The following ABHD5 variants were observed in gnomAD, a reference collection of about 807,000 sequenced individuals.
ABHD5 encodes the protein abhydrolase domain containing 5, lysophosphatidic acid acyltransferase.
Under a neutral mutation model 44.9 loss-of-function variants are expected in ABHD5, and 30 were observed. The ratio of observed to expected loss-of-function variants is 0.67; its 90% CI spans 0.50 to 0.91. The LOEUF (loss-of-function observed/expected upper bound fraction) is 0.91. Among genes scored for constraint, ABHD5 ranks in the 40% least tolerant of loss-of-function variants. ABHD5 has a pLI of 0.00. For missense variants in ABHD5, 399 were observed against 423.4 expected (o/e 0.94, Z 0.50); for synonymous variants, 167 against 147.0 (o/e 1.14, Z -0.99).
rs1353641466 is a variant in ABHD5, at chr3:43,730,496, TC to T, written c.*30-3381del. The stretch of plus-strand genomic sequence containing the variant: ...TGTTTTAATGGAGAATAGAAAATAA[TC>T]CCTTTTTTTTTTTTTTTTTTTTTTT... On this transcript the variant is annotated intron_variant, in intron 7 of 7. Transcript: ENST00000454293. Among the ~76,000 whole-genome samples the T allele has an allele frequency of 8.6e-4, 115 of 133,016 alleles. 3 individuals carry two copies. The highest frequency in any genetic ancestry group is 8.8e-4 in the Non-Finnish European group (56 of 63,366). The allele number at this position is 133,016 out of a possible 152,430, so 87.3% of individuals were successfully genotyped here.
chr3:43,706,244 C>T (rs1312377448), intron 3 of ABHD5, among the ~76,000 whole-genome samples: 4 of 152,148 alleles, frequency 2.6e-5, no homozygotes, highest in East Asian at 1.9e-4. Flanking sequence ...ACTACATACT[C>T]GTGCTCATCC....
chr3:43,715,799 A>C (rs530533120), intron 5 of ABHD5, among the ~76,000 whole-genome samples: 1 of 152,286 alleles, frequency 6.6e-6, no homozygotes, highest in African/African-American at 2.4e-5. Flanking sequence ...AACAAAAGTA[A>C]ATGATTGTCT....
exon 8 of ABHD5, chr3:43,734,240 G>A (rs1324519480): frequency 1.3e-5 from 2 of 152,234 alleles, no homozygotes; most frequent in African/African-American, 2.4e-5. Context: ...GCCGATGATT[G>A]ACTGACACGT....
At chr3:43,727,928 A>G (rs1215959988) in intron 7 of ABHD5, among the ~76,000 whole-genome samples, 4 of 152,196 alleles carry the variant, frequency 2.6e-5, no homozygotes, top group Non-Finnish European at 5.9e-5. Flanking sequence ...CTACTTTTAA[A>G]GAATGAGGCC....
intron 1 of ABHD5, chr3:43,691,388 G>C: frequency 5.2e-6 from 1 of 192,498 alleles, no homozygotes; most frequent in East Asian, 1.3e-4. Context: ...CTCGGGCTCT[G>C]CCAAGGGACC....
intron 1 of ABHD5, among the ~76,000 whole-genome samples, chr3:43,695,838 T>C (rs1033545285): frequency 6.6e-6 from 1 of 152,228 alleles, no homozygotes; most frequent in African/African-American, 2.4e-5. Context: ...TAAAATATAC[T>C]CTATTAATAT....
At chr3:43,713,062 A>G (rs1295050165) in intron 4 of ABHD5, among the ~76,000 whole-genome samples, 1 of 152,168 alleles carries the variant, frequency 6.6e-6, no homozygotes. Context: ...CACACCTGTA[A>G]TACCAGCACT....
Position 43,705,806 on chromosome 3 carries a change from T to C in ABHD5, c.506+3219T>C, listed in dbSNP as rs1236036694. Among the ~76,000 whole-genome samples, 3 of 152,312 alleles carry C rather than the reference T, an allele frequency of 2.0e-5. No homozygotes were observed. The East Asian group carries it at 5.8e-4, about 29-fold the overall frequency. On this transcript the variant is annotated intron_variant, in intron 3 of 6. Coordinates refer to ENST00000644371, the MANE Select transcript of ABHD5 (RefSeq NM_016006.6). ...TTTCTGCAAGGTGCATCGTCTCCTT[T>C]GGTGCCCTTTGGTCTTGCTGTCCAC...
rs747018565 is a variant in ABHD5 at position 43,702,555 on chromosome 3, G to C, written c.474G>C (p.Leu158Phe). The change falls in exon 3 of 7, where the codon TTG becomes TTC. Residue 158 changes from leucine (L) to phenylalanine (F), a missense_variant. Physicochemically the swap from Leu to Phe is conservative, Grantham distance 22. Coordinates refer to ENST00000644371, the MANE Select transcript of ABHD5 (RefSeq NM_016006.6). ...ILLGHNLGGF[L>F]AAAYSLKYPS... ...TTGGGCACAACCTAGGTGGATTCTT[G>C]GCTGCTGCTTACTCGCTGAAGTACC... is the stretch of plus-strand genomic sequence containing the variant. 1 of 1,614,222 alleles carries C rather than the reference G, an allele frequency of 6.2e-7. No individual in the cohort carries two copies. Among genetic ancestry groups the C allele is most frequent in the South Asian group, 1.1e-5 (1 of 91,078 alleles).
rs752307149 is a variant in ABHD5, at chr3:43,717,647, G to T, written c.774-24G>T. On this transcript the variant is annotated intron_variant, in intron 5 of 6. Transcript: ENST00000644371. ...TACTCATTCCCAAAAATCATACATC[G>T]TGATTTTCTCCTTGCCGTTAAAGTG... is the stretch of plus-strand genomic sequence containing the variant. The T allele has an allele frequency of 1.9e-6, 3 of 1,612,206 alleles. No homozygotes were observed. The East Asian group carries it at 6.7e-5, about 36-fold the overall frequency.
chr3:43,714,212 A>G (rs1040623680), intron 4 of ABHD5, among the ~76,000 whole-genome samples: 1 of 145,370 alleles, frequency 6.9e-6, no homozygotes, highest in Non-Finnish European at 1.5e-5. Flanking sequence ...TTGGCTCACT[A>G]CAACCTCCAC....
chr3:43,704,376 A>C (rs2084589252), intron 3 of ABHD5, among the ~76,000 whole-genome samples: 1 of 152,206 alleles, frequency 6.6e-6, no homozygotes, highest in African/African-American at 2.4e-5. Flanking sequence ...TCTTAGTGAC[A>C]AACACCTATT....
At chr3:43,733,903 T>G (rs1438568727) in exon 8 of ABHD5, 1 of 152,228 alleles carries the variant, frequency 6.6e-6, no homozygotes, top group African/African-American at 2.4e-5. Context: ...AAACCATGTC[T>G]GAGAGCCAGG....
At chr3:43,729,916 A>T (rs2084902136) in intron 7 of ABHD5, among the ~76,000 whole-genome samples, 1 of 152,166 alleles carries the variant, frequency 6.6e-6, no homozygotes, top group Non-Finnish European at 1.5e-5. Flanking sequence ...TGCTCTTGTT[A>T]ACTATACTGC....
At chr3:43,691,165 A>AC in intron 1 of ABHD5, 126 bp downstream of exon 1, 3 of 961,472 alleles carry the variant, frequency 3.1e-6, no homozygotes, top group Non-Finnish European at 4.1e-6. Flanking sequence ...GGCTTCCTCG[A>AC]CCCTCCCCGG....
Position 43,698,061 on chromosome 3 carries a change from A to G in ABHD5, c.48-1215A>G, listed in dbSNP as rs2084494831. Among the ~76,000 whole-genome samples the G allele has an allele frequency of 2.6e-5, 4 of 152,362 alleles. No homozygotes were observed. The South Asian group carries it at 6.2e-4, about 24-fold the overall frequency. Reference sequence around the variant, plus strand: ...TAAATTCTACAGGGAAGGGAAATATAGTAGGATGAACCTACAAAGGTAAGA... The same window carrying G: ...TAAATTCTACAGGGAAGGGAAATATGGTAGGATGAACCTACAAAGGTAAGA... On this transcript the variant is annotated intron_variant, in intron 1 of 6. Transcript: ENST00000644371.
chr3:43,706,946 A>G (rs1479474177), intron 3 of ABHD5, among the ~76,000 whole-genome samples: 1 of 152,218 alleles, frequency 6.6e-6, no homozygotes, highest in Non-Finnish European at 1.5e-5. Context: ...GGGCAGCTCC[A>G]TTCTTCCATT....
chr3:43,711,575 A>G lies in ABHD5; in HGVS notation c.507-134A>G, dbSNP rs140265913. 369 of 949,594 alleles carry G rather than the reference A, an allele frequency of 3.9e-4. No homozygotes were observed. In the African/African-American group the frequency reaches 5.1e-3, roughly 13 times the overall value. The allele number at this position is 949,594 out of a possible 1,614,324, so 58.8% of individuals were successfully genotyped here. ...ACAGAATAAGAGCATGATACGATCT[A>G]TTTAGCACTAATCTTTAACGTGAAG... is the stretch of plus-strand genomic sequence containing the variant. On this transcript the variant is annotated intron_variant, in intron 3 of 6. Transcript: ENST00000644371.
downstream of ABHD5, among the ~76,000 whole-genome samples, chr3:43,725,457 C>G (rs1027809835): frequency 6.6e-6 from 1 of 152,148 alleles, no homozygotes; most frequent in African/African-American, 2.4e-5. Context: ...AACAGTCTTA[C>G]CAAGTAGTTT....
Sources: gnomAD v4.1 joint callset for allele counts (sites outside exome capture counted in the v4.1 genomes callset) on GRCh38, gnomAD v4.1.1 for gene constraint, MANE v1.5 for transcripts, NCBI Gene and HGNC (gene_info 2026-07-23, HGNC 2026-07-21) for gene names.